The following CSNK1G1 variants were observed in gnomAD, a reference collection of about 807,000 sequenced individuals.
CSNK1G1 encodes the protein casein kinase I isoform gamma-1.
In CSNK1G1, 22 loss-of-function variants were observed where a neutral mutation model predicts 59.6. That is an observed-to-expected ratio of 0.37 (90% CI 0.26 to 0.53). The LOEUF (loss-of-function observed/expected upper bound fraction) is 0.53. CSNK1G1 is among the 20% of genes least tolerant of loss of function. CSNK1G1 has a pLI of 0.89. For missense variants in CSNK1G1, 384 were observed against 519.5 expected (o/e 0.74, Z 2.54); for synonymous variants, 179 against 177.1 (o/e 1.01, Z -0.08).
chr15:64,317,445 C>T (rs149801826), intron 1 of CSNK1G1, among the ~76,000 whole-genome samples: 9 of 150,594 alleles, frequency 6.0e-5, no homozygotes, highest in African/African-American at 2.2e-4. Context: ...CCTTTTAAAT[C>T]CTATTGTGAA....
intron 4 of CSNK1G1, among the ~76,000 whole-genome samples, chr15:64,224,596 T>C (rs2082432471): frequency 6.6e-6 from 1 of 152,146 alleles, no homozygotes; most frequent in South Asian, 2.1e-4. Context: ...CAGTTAAACA[T>C]ATGAATTTAC....
At chr15:64,271,016 T>G (rs1373331616) in intron 2 of CSNK1G1, among the ~76,000 whole-genome samples, 1 of 152,158 alleles carries the variant, frequency 6.6e-6, no homozygotes, top group Non-Finnish European at 1.5e-5. Context: ...AGAGTCTCGC[T>G]CTGTCTCCCA....
chr15:64,176,456 T>C lies in CSNK1G1; in HGVS notation c.1214+3892A>G, dbSNP rs771249765. ...GTAGGCTGAGTAGGCCCAGGCCACT[T>C]GGTCCCCACGTTAAAGTGGAGGGTT... On this transcript the variant is annotated intron_variant, in intron 11 of 11. Transcript: ENST00000303052. This position sits in a 1 kb window ranked among gnomAD's most constrained non-coding sequence, Gnocchi z 5.2. 4.6e-5 allele frequency among the ~76,000 whole-genome samples: 7 copies of C among 152,234 alleles called. No individual in the cohort carries two copies. In the East Asian group the frequency reaches 1.3e-3, roughly 29 times the overall value.
At chr15:64,203,040 G>T in intron 10 of CSNK1G1, 42 bp downstream of exon 10, 1 of 1,437,330 alleles carries the variant, frequency 7.0e-7, no homozygotes, top group African/African-American at 1.4e-5. Context: ...TATTAGCCAA[G>T]AAGAAGGGTA....
At chr15:64,198,837 T>C (rs1228283819) in intron 10 of CSNK1G1, among the ~76,000 whole-genome samples, 6 of 151,584 alleles carry the variant, frequency 4.0e-5, no homozygotes, top group African/African-American at 9.7e-5. Context: ...CCAGAGTGCA[T>C]AGTGCAGAAA....
chr15:64,181,272 T>C (rs2081809664), intron 10 of CSNK1G1: 3 of 1,535,948 alleles, frequency 2.0e-6, no homozygotes. Flanking sequence ...ACTCCTGTCA[T>C]CTGGTTAATG....
intron 3 of CSNK1G1, among the ~76,000 whole-genome samples, chr15:64,256,395 ATAGAGT>A (rs1202224804): frequency 6.6e-6 from 1 of 152,248 alleles, no homozygotes; most frequent in Non-Finnish European, 1.5e-5. Context: ...GCAAAACTCC[ATAGAGT>A]TCAAGGGTTG....
chr15:64,182,053 G>GTTTTTTTTTTTTTTTTTTTTTTT (rs71447372), intron 10 of CSNK1G1: 1 of 83,238 alleles, frequency 1.2e-5, no homozygotes, highest in African/African-American at 5.5e-5. Flanking sequence ...TTAGTAACCC[G>GTTTTTTTTTTTTTTTTTTTTTTT]TTTTTTTTTT....
At chr15:64,297,032 CT>C (rs1239126038) in intron 2 of CSNK1G1, among the ~76,000 whole-genome samples, 4 of 139,718 alleles carry the variant, frequency 2.9e-5, no homozygotes, top group African/African-American at 1.1e-4. Context: ...AGAAAGTATG[CT>C]TTATTTTCCC....
Position 64,171,877 on chromosome 15 carries a change from C to A in CSNK1G1, c.*54G>T. 1 of 1,405,942 alleles carries A rather than the reference C, an allele frequency of 7.1e-7. No homozygotes were observed. The allele number at this position is 1,405,942 out of a possible 1,614,324, so 87.1% of individuals were successfully genotyped here. ...TTCCAATGAGAAATGGCAGGAGCTG[C>A]AGGTACAATTGAGTCAGAGTCCCCA... On this transcript the variant is annotated 3_prime_UTR_variant, in exon 12 of 12. Transcript: ENST00000303052. This position sits in a 1 kb window ranked among gnomAD's most constrained non-coding sequence, Gnocchi z 4.8.
intron 10 of CSNK1G1, among the ~76,000 whole-genome samples, chr15:64,185,605 T>TGTAATCCC (rs1006850341): frequency 3.3e-5 from 5 of 152,144 alleles, no homozygotes; most frequent in Non-Finnish European, 5.9e-5. Flanking sequence ...GGCTCACATC[T>TGTAATCCC]GTAATCCCAG....
intron 4 of CSNK1G1, among the ~76,000 whole-genome samples, chr15:64,222,428 CAACACCACCAAAA>C (rs2082400171): frequency 2.6e-5 from 2 of 76,552 alleles, no homozygotes; most frequent in African/African-American, 1.2e-4. Flanking sequence ...ATAACAACAA[CAACACCACCAAAA>C]AAAAAAAAAA....
chr15:64,221,394 T>C (rs779490432), intron 4 of CSNK1G1, among the ~76,000 whole-genome samples: 94 of 152,300 alleles, frequency 6.2e-4, no homozygotes, highest in Admixed American at 1.4e-3. Context: ...TTGAGTAATA[T>C]CTACAATTTC....
chr15:64,355,009 T>C (rs915974555), intron 1 of CSNK1G1, among the ~76,000 whole-genome samples: 1 of 152,210 alleles, frequency 6.6e-6, no homozygotes, highest in East Asian at 1.9e-4. Context: ...CAGCACCTAG[T>C]ATTCAGTCAC....
rs529641114 is a variant in CSNK1G1, at chr15:64,238,068, C to T, written c.292+13444G>A. Among the ~76,000 whole-genome samples, 53 of 152,128 alleles carry T rather than the reference C, an allele frequency of 3.5e-4. 2 individuals carry two copies. The South Asian group carries it at 9.3e-3, about 27-fold the overall frequency. On this transcript the variant is annotated intron_variant, in intron 4 of 11. Transcript: ENST00000303052. The stretch of plus-strand genomic sequence containing the variant: ...AGGCCATAAAAGGTTTTGGAAGTAA[C>T]GAAGGCAGCCTTCTGAGTCACAAAA...
At chr15:64,272,980 A>C (rs1893405725) in intron 2 of CSNK1G1, among the ~76,000 whole-genome samples, 1 of 152,200 alleles carries the variant, frequency 6.6e-6, no homozygotes, top group Non-Finnish European at 1.5e-5. Context: ...CTGAAATTAC[A>C]GGCATGAGCC....
chr15:64,248,323 C>G (rs1891868170), intron 4 of CSNK1G1, among the ~76,000 whole-genome samples: 1 of 152,158 alleles, frequency 6.6e-6, no homozygotes, highest in Non-Finnish European at 1.5e-5. Flanking sequence ...AATTGATCTT[C>G]TTTCAAAATA....
intron 3 of CSNK1G1, among the ~76,000 whole-genome samples, chr15:64,251,909 C>G (rs1892107910): frequency 1.3e-5 from 2 of 152,028 alleles, no homozygotes; most frequent in Non-Finnish European, 2.9e-5. Flanking sequence ...AAAAAAATAC[C>G]AGAATGTATT....
chr15:64,192,401 T>C lies in CSNK1G1; in HGVS notation c.1107+10681A>G, dbSNP rs552251485. Among the ~76,000 whole-genome samples the C allele has an allele frequency of 2.6e-5, 4 of 152,350 alleles. No individual in the cohort carries two copies. The South Asian group carries it at 8.3e-4, about 32-fold the overall frequency. The stretch of plus-strand genomic sequence containing the variant: ...TCATGGAAATGATTGGTTTACTATG[T>C]AGTAGGTAAATCTTGAAACAAGAAA... On this transcript the variant is annotated intron_variant, in intron 10 of 11. Transcript: ENST00000303052.
Sources: allele counts gnomAD v4.1 joint callset (sites outside exome capture counted in the v4.1 genomes callset), GRCh38; gene constraint gnomAD v4.1.1; non-coding constraint Gnocchi (gnomAD v3.1); transcripts MANE v1.5; gene names NCBI Gene and HGNC (gene_info 2026-07-23, HGNC 2026-07-21).